ASIC2: variants seen among roughly 807,000 people sequenced by gnomAD.
ASIC2 encodes the protein acid-sensing ion channel 2.
Under a neutral mutation model 57.3 loss-of-function variants are expected in ASIC2, and 25 were observed. The ratio of observed to expected loss-of-function variants is 0.44; its 90% CI spans 0.32 to 0.61. ASIC2 has a LOEUF of 0.61. Among genes scored for constraint, ASIC2 ranks in the 20% least tolerant of loss-of-function variants. The pLI, the probability that ASIC2 is intolerant of heterozygous loss-of-function variation, is 0.06. For missense variants in ASIC2, 641 were observed against 738.1 expected (o/e 0.87, Z 1.52); for synonymous variants, 319 against 307.5 (o/e 1.04, Z -0.39).
At chr17:33,982,055 G>T (rs1035002626) in intron 1 of ASIC2, among the ~76,000 whole-genome samples, 4 of 152,214 alleles carry the variant, frequency 2.6e-5, no homozygotes, top group Non-Finnish European at 5.9e-5. Flanking sequence ...CTAAGCACCT[G>T]AGTAAATGGG....
At chr17:33,687,939 G>A (rs1908245870) in intron 1 of ASIC2, among the ~76,000 whole-genome samples, 1 of 152,124 alleles carries the variant, frequency 6.6e-6, no homozygotes, top group South Asian at 2.1e-4. Flanking sequence ...TAGTATTTGT[G>A]GGACCGAAAC....
chr17:33,686,659 C>T (rs1222061708), intron 1 of ASIC2, among the ~76,000 whole-genome samples: 1 of 152,178 alleles, frequency 6.6e-6, no homozygotes, highest in Non-Finnish European at 1.5e-5. Flanking sequence ...GCCTTGCAGT[C>T]AGAATGACTG....
chr17:33,974,416 C>T (rs931004348), intron 1 of ASIC2, among the ~76,000 whole-genome samples: 1 of 152,154 alleles, frequency 6.6e-6, no homozygotes, highest in Non-Finnish European at 1.5e-5. Flanking sequence ...GCCTGCCTGG[C>T]ACCCCAGCCC....
intron 2 of ASIC2, among the ~76,000 whole-genome samples, chr17:33,108,457 G>A (rs563523936): frequency 6.6e-6 from 1 of 152,302 alleles, no homozygotes; most frequent in East Asian, 1.9e-4. Context: ...GACTGTGGCA[G>A]GGATAGGCCT....
chr17:33,325,172 G>A (rs1161847759), intron 1 of ASIC2, among the ~76,000 whole-genome samples: 1 of 152,198 alleles, frequency 6.6e-6, no homozygotes, highest in East Asian at 1.9e-4. Context: ...GCTCTGTGGA[G>A]CTCATAGTCC....
chr17:33,477,713 G>A (rs1913275383), intron 1 of ASIC2, among the ~76,000 whole-genome samples: 1 of 152,212 alleles, frequency 6.6e-6, no homozygotes, highest in South Asian at 2.1e-4. Flanking sequence ...GAATAGGGAA[G>A]ACAGCCATTC....
At chr17:33,663,736 C>G (rs542461405) in intron 1 of ASIC2, among the ~76,000 whole-genome samples, 1 of 152,228 alleles carries the variant, frequency 6.6e-6, no homozygotes, top group South Asian at 2.1e-4. Flanking sequence ...GAAAGACTTG[C>G]CAACGGATAG....
chr17:33,528,167 G>GGGGTGTGTGTGTGTGTGTGTGTGT (rs71362891), intron 1 of ASIC2, among the ~76,000 whole-genome samples: 4 of 143,406 alleles, frequency 2.8e-5, no homozygotes, highest in Admixed American at 7.0e-5. Context: ...GTATGTGGTA[G>GGGGTGTGTGTGTGTGTGTGTGTGT]GTGTGTGTGT....
chr17:33,122,742 T>G (rs2141998274), intron 1 of ASIC2, among the ~76,000 whole-genome samples: 1 of 152,334 alleles, frequency 6.6e-6, no homozygotes, highest in East Asian at 1.9e-4. Context: ...GTCACCATGC[T>G]GTGCAACAGA....
intron 3 of ASIC2, among the ~76,000 whole-genome samples, chr17:33,044,854 A>C (rs2091946371): frequency 6.6e-6 from 1 of 152,206 alleles, no homozygotes; most frequent in Non-Finnish European, 1.5e-5. Context: ...GGCATGGTCC[A>C]ACTAATTGGG....
intron 1 of ASIC2, among the ~76,000 whole-genome samples, chr17:33,490,598 A>G (rs1913722248): frequency 6.6e-6 from 1 of 152,220 alleles, no homozygotes; most frequent in Admixed American, 6.5e-5. Flanking sequence ...GGTCTCCTGC[A>G]TAAACTCTCT....
intron 1 of ASIC2, among the ~76,000 whole-genome samples, chr17:33,136,829 T>A (rs2092368920): frequency 6.6e-6 from 1 of 152,188 alleles, no homozygotes; most frequent in Non-Finnish European, 1.5e-5. Flanking sequence ...AGCACATGGA[T>A]TCTATTCCCA....
At chr17:34,060,909 G>T (rs1908947165) in intron 1 of ASIC2, among the ~76,000 whole-genome samples, 1 of 152,076 alleles carries the variant, frequency 6.6e-6, no homozygotes, top group African/African-American at 2.4e-5. Flanking sequence ...AAATCTAAAA[G>T]ACTGGAAATA....
intron 1 of ASIC2, among the ~76,000 whole-genome samples, chr17:33,632,212 T>A (rs867754335): frequency 4.6e-5 from 7 of 152,234 alleles, no homozygotes; most frequent in Non-Finnish European, 5.9e-5. Context: ...CGGAAATCCC[T>A]TGGCTAGTAT....
chr17:33,867,775 G>A (rs1218855207), intron 1 of ASIC2, among the ~76,000 whole-genome samples: 2 of 152,190 alleles, frequency 1.3e-5, no homozygotes, highest in Admixed American at 6.6e-5. Context: ...AGACACAGGG[G>A]TTCTTTTTCT....
At chr17:33,795,668 T>G (rs1258618363) in intron 1 of ASIC2, among the ~76,000 whole-genome samples, 1 of 152,230 alleles carries the variant, frequency 6.6e-6, no homozygotes, top group African/African-American at 2.4e-5. Context: ...AGAAATACCT[T>G]CTGTGGTTTC....
intron 1 of ASIC2, among the ~76,000 whole-genome samples, chr17:33,384,049 G>A (rs907599779): frequency 6.6e-6 from 1 of 152,158 alleles, no homozygotes; most frequent in African/African-American, 2.4e-5. Context: ...TTGTCTCCCT[G>A]GACTTGGCTG....
rs544938886 is a variant in ASIC2 at position 33,953,508 on chromosome 17, C to A, written c.555+202470G>T. ...ATTGAATATACATATCACAATAGAC[C>A]AGATTCAAATCCTGGTCTATTGTAT... On this transcript the variant is annotated intron_variant, in intron 1 of 9. Transcript: ENST00000359872. Among the ~76,000 whole-genome samples the A allele has an allele frequency of 1.8e-4, 27 of 151,928 alleles. No homozygotes were observed. The South Asian group carries it at 5.6e-3, about 32-fold the overall frequency.
intron 1 of ASIC2, among the ~76,000 whole-genome samples, chr17:33,155,451 T>C (rs79224212): frequency 0.052 from 7,850 of 152,266 alleles, 230 homozygotes; most frequent in East Asian, 0.13. Flanking sequence ...CCTTTAGATG[T>C]ATGCTGTCAT....
Sources: allele counts gnomAD v4.1 joint callset (sites outside exome capture counted in the v4.1 genomes callset), GRCh38; gene constraint gnomAD v4.1.1; transcripts MANE v1.5; gene names NCBI Gene and HGNC (gene_info 2026-07-23, HGNC 2026-07-21).